GLP1R: variants seen among roughly 807,000 people sequenced by gnomAD.
The protein encoded by GLP1R is glucagon like peptide 1 receptor.
GLP1R carries 32 observed loss-of-function variants against 68.4 expected under a neutral mutation model. The observed-to-expected ratio is 0.47, with a 90% confidence interval of 0.35 to 0.63. The LOEUF (loss-of-function observed/expected upper bound fraction) is 0.63. GLP1R is among the 20% of genes least tolerant of loss of function. The probability of loss-of-function intolerance (pLI) is 0.00; values close to 1 mark genes in which losing one functional copy is unlikely to be tolerated. For synonymous variants in GLP1R, 263 were observed against 244.4 expected, an observed-to-expected ratio of 1.08 and a Z score of -0.71; for missense variants, 502 against 594.9, an observed-to-expected ratio of 0.84 and a Z score of 1.62.
In GLP1R at chr6:39,079,266, A is replaced by G; in HGVS notation, c.1043+66A>G. Reference sequence around the variant, plus strand: ...GTGCCCCTTTCCTTCTAGCAGAGAGAGAGAGAGAGATCCTGGGATGCTTAG... The same window carrying G: ...GTGCCCCTTTCCTTCTAGCAGAGAGGGAGAGAGAGATCCTGGGATGCTTAG... On this transcript the variant is annotated intron_variant, in intron 10 of 12. Coordinates refer to ENST00000373256, the MANE Select transcript of GLP1R (RefSeq NM_002062.5). The surrounding 1 kb of genome is among the most constrained non-coding windows in gnomAD (Gnocchi z 4.5). 10 of 1,128,752 alleles carry G rather than the reference A, an allele frequency of 8.9e-6. 1 individual carries two copies. Among genetic ancestry groups the G allele is most frequent in the South Asian group, 3.7e-5 (3 of 81,110 alleles). 69.9% of individuals were successfully genotyped at this position (1,128,752 alleles called of 1,614,324 possible). A position where few individuals can be genotyped will look rare whatever the true frequency, so the allele number is the denominator to read the frequency against.
chr6:39,053,296 C>G (rs1282301191), intron 1 of GLP1R, among the ~76,000 whole-genome samples: 3 of 152,344 alleles, frequency 2.0e-5, no homozygotes, highest in African/African-American at 7.2e-5. Flanking sequence ...GTGGGGGACA[C>G]TGGTGGGCAG....
chr6:39,066,581 C>T (rs367887045), intron 5 of GLP1R, among the ~76,000 whole-genome samples: 18 of 152,308 alleles, frequency 1.2e-4, no homozygotes, highest in African/African-American at 3.8e-4. Context: ...CCTTAACCGT[C>T]GGTGATGGGA....
In GLP1R at chr6:39,072,743, C is replaced by T. The variant is rs191595735; in HGVS notation, c.510-119C>T. 27 of 813,574 alleles carry T rather than the reference C, an allele frequency of 3.3e-5. No homozygotes were observed. In the East Asian group the frequency reaches 6.7e-4, roughly 20 times the overall value. The allele number at this position is 813,574 out of a possible 1,614,324, so 50.4% of individuals were successfully genotyped here. On this transcript the variant is annotated intron_variant, in intron 5 of 12. Coordinates refer to ENST00000373256, the MANE Select transcript of GLP1R (RefSeq NM_002062.5). ...GAAGAAGGGTATTCATAGAAGAAGA[C>T]ACACGCACAGTCCCAGGGCTGGAAA...
At chr6:39,055,852 G>A (rs973654188) in intron 1 of GLP1R, among the ~76,000 whole-genome samples, 9 of 152,140 alleles carry the variant, frequency 5.9e-5, no homozygotes, top group Non-Finnish European at 8.8e-5. Context: ...CACACCTTGC[G>A]ATATTCTACC....
chr6:39,059,340 G>C (rs1416328790), intron 3 of GLP1R, among the ~76,000 whole-genome samples: 1 of 152,238 alleles, frequency 6.6e-6, no homozygotes, highest in East Asian at 1.9e-4. Flanking sequence ...CGACCCAGAA[G>C]CTTGGTTTAG....
rs372112566 is a variant in GLP1R at position 39,070,711 on chromosome 6, AT to A, written c.510-2143del. On this transcript the variant is annotated intron_variant, in intron 5 of 12. Transcript: ENST00000373256. ...TTCCAGATTCCCAAAGAGATCAAGC[AT>A]TTTTTTTCATGATTTTTTCTGTGAG... Among the ~76,000 whole-genome samples the A allele has an allele frequency of 2.0e-4, 30 of 151,812 alleles. 1 individual carries two copies. The highest frequency in any genetic ancestry group is 6.3e-4 in the African/African-American group (26 of 41,408).
chr6:39,077,505 A>T (rs1562016055), intron 7 of GLP1R, among the ~76,000 whole-genome samples: 1 of 152,186 alleles, frequency 6.6e-6, no homozygotes, highest in Non-Finnish European at 1.5e-5. Flanking sequence ...CCCCAGAGCA[A>T]GTGATCAGAG....
At chr6:39,070,854 CTG>C (rs145195774) in intron 5 of GLP1R, among the ~76,000 whole-genome samples, 4,743 of 152,004 alleles carry the variant, frequency 0.031, 137 homozygotes, top group South Asian at 0.089. Context: ...TCTCTTTAGT[CTG>C]TGGCTTATTT....
chr6:39,085,977 C>T lies in GLP1R; in HGVS notation c.1296C>T (p.Ser432=). The change falls in exon 13 of 13, where the codon AGC becomes AGT. Residue 432 remains serine, a synonymous_variant. Transcript: ENST00000373256. Reference sequence around the variant, plus strand: ...ACTTGCACATCCAGAGGGACAGCAGCATGAAGCCCCTCAAGTGTCCCACCA... The same window carrying T: ...ACTTGCACATCCAGAGGGACAGCAGTATGAAGCCCCTCAAGTGTCCCACCA... ...LEHLHIQRDS[S]MKPLKCPTSS... 1 of 1,613,942 alleles carries T rather than the reference C, an allele frequency of 6.2e-7. No individual in the cohort carries two copies.
chr6:39,060,484 G>T (rs761446497), intron 3 of GLP1R, among the ~76,000 whole-genome samples: 3 of 152,210 alleles, frequency 2.0e-5, no homozygotes, highest in Non-Finnish European at 2.9e-5. Context: ...ACCTGAGAAG[G>T]AAGGGACAAG....
In GLP1R at chr6:39,066,306, A is replaced by G. The variant is rs760779926; in HGVS notation, c.509+3A>G. The G allele has an allele frequency of 1.3e-6, 2 of 1,571,402 alleles. No homozygotes were observed. On this transcript the variant is annotated splice_donor_region_variant and intron_variant, in intron 5 of 12. Coordinates refer to ENST00000373256, the MANE Select transcript of GLP1R (RefSeq NM_002062.5). ...TCTGCGATCCTCCTCGGCTTCAGGT[A>G]AGGTGGCCCGGACCCTGGGAGGGGG... is the stretch of plus-strand genomic sequence containing the variant.
intron 5 of GLP1R, among the ~76,000 whole-genome samples, chr6:39,069,621 G>C (rs1482473417): frequency 2.0e-5 from 3 of 149,406 alleles, no homozygotes; most frequent in Non-Finnish European, 3.0e-5. Context: ...CTGGGCGACA[G>C]AGTGAGACTC....
In GLP1R at chr6:39,085,923, G is replaced by A. The variant is rs372179920; in HGVS notation, c.1242G>A (p.Arg414=). 8.6e-5 allele frequency: 139 copies of A among 1,613,806 alleles called. No individual in the cohort carries two copies. The highest frequency in any genetic ancestry group is 1.1e-4 in the Non-Finnish European group (135 of 1,179,860). The part of the protein sequence containing the change: ...FVNNEVQLEF[R]KSWERWRLEH... ...CATGGAAGGTCCAGCTGGAATTTCG[G>A]AAGAGCTGGGAGCGCTGGCGGCTTG... Residue 414 remains arginine, a synonymous_variant, in exon 13 of 13, where the codon CGG becomes CGA. Coordinates refer to ENST00000373256, the MANE Select transcript of GLP1R (RefSeq NM_002062.5).
intron 3 of GLP1R, among the ~76,000 whole-genome samples, chr6:39,057,829 C>T (rs1409115904): frequency 1.3e-5 from 2 of 151,058 alleles, no homozygotes; most frequent in Admixed American, 6.6e-5. Context: ...TGGTACCTGC[C>T]GTGGGTCAGC....
intron 12 of GLP1R, among the ~76,000 whole-genome samples, chr6:39,083,394 G>T (rs937540522): frequency 1.3e-5 from 2 of 152,238 alleles, no homozygotes; most frequent in African/African-American, 2.4e-5. Flanking sequence ...CAGACCCAGG[G>T]TTGCCATGGC....
At chr6:39,076,008 A>C (rs1768813627) in intron 7 of GLP1R, among the ~76,000 whole-genome samples, 2 of 152,234 alleles carry the variant, frequency 1.3e-5, no homozygotes, top group African/African-American at 4.8e-5. Flanking sequence ...GGGAGTGCGT[A>C]ATGTTTGCAT....
intron 12 of GLP1R, among the ~76,000 whole-genome samples, chr6:39,083,359 G>A (rs2150838851): frequency 6.6e-6 from 1 of 152,352 alleles, no homozygotes; most frequent in East Asian, 1.9e-4. Context: ...TGGGGCTAAG[G>A]CCTCTGTCCA....
intron 3 of GLP1R, 22 bp downstream of exon 3, chr6:39,057,601 G>T: frequency 1.4e-6 from 2 of 1,404,196 alleles, no homozygotes; most frequent in South Asian, 1.2e-5. Flanking sequence ...CCCCGACCTG[G>T]TACCTGCCCT....
chr6:39,050,366 C>T (rs1364599264), intron 1 of GLP1R, among the ~76,000 whole-genome samples: 1 of 152,132 alleles, frequency 6.6e-6, no homozygotes, highest in East Asian at 1.9e-4. Flanking sequence ...GCCAGGTTTA[C>T]AGGTCTGGTT....
Sources: gnomAD v4.1 joint callset for allele counts (sites outside exome capture counted in the v4.1 genomes callset) on GRCh38, gnomAD v4.1.1 for gene constraint, Gnocchi (gnomAD v3.1) non-coding constraint, MANE v1.5 for transcripts, NCBI Gene and HGNC (gene_info 2026-07-23, HGNC 2026-07-21) for gene names.